The following ZNF804B variants were observed in gnomAD, a reference collection of about 807,000 sequenced individuals.
ZNF804B encodes the protein zinc finger 804B.
In ZNF804B, 80 loss-of-function variants were observed where a neutral mutation model predicts 101.4. The observed-to-expected ratio is 0.79, with a 90% CI of 0.66 to 0.95. The LOEUF (loss-of-function observed/expected upper bound fraction) is 0.95, where lower values mean the gene tolerates loss of function less well. Among genes scored for constraint, ZNF804B ranks in the 40% least tolerant of loss-of-function variants. The pLI, the probability that ZNF804B is intolerant of heterozygous loss-of-function variation, is 0.00. For missense variants in ZNF804B, 1,673 were observed against 1,561.9 expected, an observed-to-expected ratio of 1.07 and a Z score of -1.20; for synonymous variants, 622 against 558.8, an observed-to-expected ratio of 1.11 and a Z score of -1.59.
chr7:89,335,911 T>A lies in ZNF804B; in HGVS notation c.2929T>A (p.Leu977Met). The A allele has an allele frequency of 6.2e-7, 1 of 1,614,090 alleles. No individual in the cohort carries two copies. The highest frequency in any genetic ancestry group is 8.5e-7 in the Non-Finnish European group (1 of 1,179,978). The change falls in exon 4 of 4, where the codon TTG becomes ATG. Residue 977 changes from leucine (L) to methionine (M), a missense_variant. By Grantham distance (15) the Leu-to-Met change is conservative. Transcript: ENST00000333190. Reference sequence around the variant, plus strand: ...ACCATCAGGCTGTAACAGACAAGCATTGCCTTTGTCTGAAAAAATACAGTA... The same window carrying A: ...ACCATCAGGCTGTAACAGACAAGCAATGCCTTTGTCTGAAAAAATACAGTA... ...LAPSGCNRQA[L>M]PLSEKIQYAS... is the part of the protein sequence containing the mutation.
intron 1 of ZNF804B, among the ~76,000 whole-genome samples, chr7:88,874,505 A>G (rs1363996234): frequency 2.0e-5 from 3 of 152,140 alleles, no homozygotes; most frequent in Middle Eastern, 3.4e-3. Flanking sequence ...TTCCAACACT[A>G]TGTTGAATAG....
intron 1 of ZNF804B, among the ~76,000 whole-genome samples, chr7:89,163,841 A>G (rs1002009655): frequency 8.6e-5 from 13 of 151,630 alleles, no homozygotes; most frequent in Admixed American, 2.0e-4. Context: ...AATTAGATCT[A>G]TTTTCCTCTT....
At chr7:88,957,579 C>T (rs1793328594) in intron 1 of ZNF804B, among the ~76,000 whole-genome samples, 1 of 151,180 alleles carries the variant, frequency 6.6e-6, no homozygotes, top group Admixed American at 6.6e-5. Flanking sequence ...TTCTGGTATT[C>T]TTGCATTAAT....
At chr7:89,146,863 C>CA (rs61135119) in intron 1 of ZNF804B, among the ~76,000 whole-genome samples, 3 of 151,350 alleles carry the variant, frequency 2.0e-5, no homozygotes, top group African/African-American at 7.3e-5. Flanking sequence ...CCTGTCTCTA[C>CA]AAAAAATAAC....
At chr7:89,250,985 T>C (rs1789530921) in intron 2 of ZNF804B, among the ~76,000 whole-genome samples, 1 of 152,254 alleles carries the variant, frequency 6.6e-6, no homozygotes, top group Admixed American at 6.5e-5. Context: ...GCCAACATCA[T>C]AGTGAATGGG....
intron 2 of ZNF804B, among the ~76,000 whole-genome samples, chr7:89,322,840 C>A (rs1475268966): frequency 6.6e-6 from 1 of 152,088 alleles, no homozygotes; most frequent in Non-Finnish European, 1.5e-5. Context: ...AGTGGTGACT[C>A]TAGTATTTTA....
At chr7:88,848,432 A>C (rs1791406533) in intron 1 of ZNF804B, among the ~76,000 whole-genome samples, 1 of 152,240 alleles carries the variant, frequency 6.6e-6, no homozygotes, top group East Asian at 1.9e-4. Flanking sequence ...TGTGAATGGC[A>C]CAGCTAAGGA....
chr7:88,770,404 G>C (rs1262949734), intron 1 of ZNF804B, among the ~76,000 whole-genome samples: 1 of 152,156 alleles, frequency 6.6e-6, no homozygotes, highest in Admixed American at 6.5e-5. Flanking sequence ...ACAAGCCAGG[G>C]AATGCAAGTG....
At chr7:89,241,508 T>A (rs1197809943) in intron 2 of ZNF804B, among the ~76,000 whole-genome samples, 1 of 152,152 alleles carries the variant, frequency 6.6e-6, no homozygotes. Context: ...TGACAACACT[T>A]GAGTTTTGGC....
intron 1 of ZNF804B, among the ~76,000 whole-genome samples, chr7:89,215,147 A>C (rs2115687993): frequency 6.6e-6 from 1 of 152,350 alleles, no homozygotes. Context: ...CTTAGAGGTA[A>C]GAAAGATAAG....
chr7:89,281,678 C>G (rs1309093325), intron 2 of ZNF804B, among the ~76,000 whole-genome samples: 1 of 152,084 alleles, frequency 6.6e-6, no homozygotes, highest in African/African-American at 2.4e-5. Context: ...AAATAAATAT[C>G]TCTGTAGACT....
chr7:89,261,277 C>T (rs7783629), intron 2 of ZNF804B, among the ~76,000 whole-genome samples: 70,089 of 151,890 alleles, frequency 0.46, 17,542 homozygotes, highest in African/African-American at 0.65. Flanking sequence ...TTGTAATAGA[C>T]TTGTGATATT....
chr7:88,783,338 G>A (rs1310427655), intron 1 of ZNF804B, among the ~76,000 whole-genome samples: 1 of 152,080 alleles, frequency 6.6e-6, no homozygotes, highest in Non-Finnish European at 1.5e-5. Flanking sequence ...ATTTCAAGGG[G>A]AGAATGAGAA....
At chr7:88,966,339 T>C (rs2116100969) in intron 1 of ZNF804B, among the ~76,000 whole-genome samples, 1 of 151,690 alleles carries the variant, frequency 6.6e-6, no homozygotes, top group African/African-American at 2.4e-5. Flanking sequence ...GACAAAATGA[T>C]TGTAACATTA....
intron 2 of ZNF804B, among the ~76,000 whole-genome samples, chr7:89,233,916 C>A (rs1205655673): frequency 6.6e-6 from 1 of 152,122 alleles, no homozygotes; most frequent in African/African-American, 2.4e-5. Context: ...GGCCATTGCT[C>A]CCTGCCAGTT....
chr7:88,840,824 A>C (rs1415029398), intron 1 of ZNF804B, among the ~76,000 whole-genome samples: 1 of 152,192 alleles, frequency 6.6e-6, no homozygotes, highest in Non-Finnish European at 1.5e-5. Context: ...AAACAGCTCA[A>C]AGTACACATT....
chr7:88,997,940 G>A (rs1240023788), intron 1 of ZNF804B, among the ~76,000 whole-genome samples: 1 of 151,878 alleles, frequency 6.6e-6, no homozygotes, highest in Non-Finnish European at 1.5e-5. Context: ...ATTCTCTTAT[G>A]TTGTGTCTTG....
At position 89,155,309 on chromosome 7, in the gene ZNF804B, T is replaced by G. The variant is rs543912786; in HGVS notation, c.109-62846T>G. Among the ~76,000 whole-genome samples the G allele has an allele frequency of 3.2e-4, 48 of 152,184 alleles. No homozygotes were observed. The South Asian group carries it at 1.0e-2, about 32-fold the overall frequency. On this transcript the variant is annotated intron_variant, in intron 1 of 3. Transcript: ENST00000333190. ...CAAGAAAAAAGGAGTTAGCTCAGAT[T>G]TTTCCCTTTGCTGAATGTTCCACTT...
At chr7:89,010,400 G>A (rs565366245) in intron 1 of ZNF804B, among the ~76,000 whole-genome samples, 137 of 152,178 alleles carry the variant, frequency 9.0e-4, no homozygotes, top group Non-Finnish European at 1.7e-3. Context: ...ATATTTACCC[G>A]TTAAAGTTGA....
Sources: gnomAD v4.1 joint callset for allele counts (sites outside exome capture counted in the v4.1 genomes callset) on GRCh38, gnomAD v4.1.1 for gene constraint, MANE v1.5 for transcripts, NCBI Gene and HGNC (gene_info 2026-07-23, HGNC 2026-07-21) for gene names.